The following EHD1 variants were observed in gnomAD, a reference collection of about 807,000 sequenced individuals.
The protein encoded by EHD1 is EH domain-containing protein 1.
In EHD1, 19 loss-of-function variants were observed where a neutral mutation model predicts 39.0. That is an observed-to-expected ratio of 0.49 (90% CI 0.34 to 0.72). EHD1 has a LOEUF of 0.72. EHD1 is among the 30% of genes least tolerant of loss of function. The pLI is 0.01. For synonymous variants in EHD1, 323 were observed against 331.2 expected (o/e 0.98, Z 0.27); for missense variants, 542 against 751.5 (o/e 0.72, Z 3.26).
At chr11:64,875,689 G>C (rs1943877840) in intron 1 of EHD1, 1 of 152,322 alleles carries the variant, frequency 6.6e-6, no homozygotes, top group Non-Finnish European at 1.5e-5. Context: ...TTCTCCCTTT[G>C]GCCCCATCCC....
In EHD1 at chr11:64,853,426, G is replaced by A. The variant is rs1012694990; in HGVS notation, c.*907C>T. 1.3e-5 allele frequency: 2 copies of A among 152,318 alleles called. No homozygotes were observed. The highest frequency in any genetic ancestry group is 2.4e-5 in the African/African-American group (1 of 41,462). 9.4% of individuals were successfully genotyped at this position (152,318 alleles called of 1,614,324 possible). On this transcript the variant is annotated 3_prime_UTR_variant, in exon 5 of 5. Transcript: ENST00000320631. ...AGTTAAGTGAGAGGGTAGGGCAGGA[G>A]CTGGGATGACCACCCTTCCTCAGCC...
chr11:64,861,839 C>A (rs1422947014), intron 2 of EHD1, among the ~76,000 whole-genome samples: 1 of 152,182 alleles, frequency 6.6e-6, no homozygotes, highest in Non-Finnish European at 1.5e-5. Flanking sequence ...GTCTTAAACA[C>A]TTCTCCAAAA....
upstream of EHD1, chr11:64,878,873 T>C (rs912301416): frequency 9.4e-7 from 1 of 1,068,718 alleles, no homozygotes; most frequent in African/African-American, 1.7e-5. Context: ...CTCGCGAAAG[T>C]GCTGCGGTTA....
intron 3 of EHD1, 79 bp from the exon 4 acceptor site, chr11:64,855,565 G>A: frequency 6.3e-7 from 1 of 1,589,912 alleles, no homozygotes. Context: ...GACACTCCAA[G>A]GATACTCCAA....
intron 3 of EHD1, 128 bp downstream of exon 3, chr11:64,859,796 G>C: frequency 2.3e-6 from 3 of 1,302,300 alleles, no homozygotes; most frequent in Non-Finnish European, 3.1e-6. Flanking sequence ...GAGGGAAACA[G>C]CGCAGTGCAG....
chr11:64,876,102 CA>C (rs1386344827), intron 1 of EHD1, among the ~76,000 whole-genome samples: 1 of 152,208 alleles, frequency 6.6e-6, no homozygotes, highest in Non-Finnish European at 1.5e-5. Context: ...TTTCATCTCG[CA>C]CAAGTGGCAG....
At position 64,859,967 on chromosome 11, in the gene EHD1, A is replaced by T; in HGVS notation, c.872T>A (p.Leu291His). The change falls in exon 3 of 5, where the codon CTC (leucine) becomes CAC (histidine). Residue 291 changes from leucine to histidine, a missense_variant. Physicochemically the swap from Leu to His is moderately conservative, Grantham distance 99. Transcript: ENST00000320631. ...CTTGATCAGGTCATTGAGCTTCCTG[A>T]GGGCGGCGTTTCGGGGCAGTGACTG... The part of the protein sequence containing the change: ...DIQSLPRNAA[L>H]RKLNDLIKRA... 1 of 1,613,690 alleles carries T rather than the reference A, an allele frequency of 6.2e-7. No individual in the cohort carries two copies. The highest frequency in any genetic ancestry group is 8.5e-7 in the Non-Finnish European group (1 of 1,179,972).
At position 64,878,373 on chromosome 11, in the gene EHD1, T is replaced by C. The variant is rs780540022; in HGVS notation, c.92A>G (p.Gln31Arg). ...GTGCTCCTCCAGGGGTAGCAGCTTCTGCGCGTACAGCTGCCGCAGCCCCTC... is the reference window on the plus strand; with the variant it reads ...GTGCTCCTCCAGGGGTAGCAGCTTCCGCGCGTACAGCTGCCGCAGCCCCTC... ...VAEGLRQLYA[Q>R]KLLPLEEHYR... is the part of the protein sequence containing the mutation. The change falls in exon 1 of 5, where the codon CAG (glutamine) becomes CGG (arginine). Residue 31 changes from glutamine (Q) to arginine (R), a missense_variant. Physicochemically the swap from Gln to Arg is conservative, Grantham distance 43 (BLOSUM62 1). Coordinates refer to ENST00000320631, the MANE Select transcript of EHD1 (RefSeq NM_006795.4). The C allele has an allele frequency of 6.2e-7, 1 of 1,613,814 alleles. No individual in the cohort carries two copies. The highest frequency in any genetic ancestry group is 8.5e-7 in the Non-Finnish European group (1 of 1,180,016).
chr11:64,878,195 G>A lies in EHD1; in HGVS notation c.270C>T (p.Pro90=), dbSNP rs746339228. 8.7e-6 allele frequency: 14 copies of A among 1,611,344 alleles called. No homozygotes were observed. In the African/African-American group the frequency reaches 1.9e-4, roughly 22 times the overall value. Residue 90 remains proline, a synonymous_variant, in exon 1 of 5, where the codon CCC becomes CCT. Transcript: ENST00000320631. ...EQDFPGMRIG[P]EPTTDSFIAV... is the part of the protein sequence containing the mutation. ...CGATGAAGGAGTCGGTGGTGGGCTC[G>A]GGCCCGATGCGCATCCCCGGGAAGT... is the stretch of plus-strand genomic sequence containing the variant.
chr11:64,867,732 A>ACC (rs1565721693), intron 2 of EHD1, among the ~76,000 whole-genome samples: 1 of 152,124 alleles, frequency 6.6e-6, no homozygotes, highest in African/African-American at 2.4e-5. Context: ...CCGTACCCCC[A>ACC]CCTCCAAAAA....
chr11:64,878,894 G>C (rs1943923188), upstream of EHD1: 2 of 1,041,600 alleles, frequency 1.9e-6, no homozygotes, highest in Non-Finnish European at 2.3e-6. Flanking sequence ...GGAAGGCGAG[G>C]AGCGGGCGTT....
In EHD1 at chr11:64,860,002, G is replaced by C; in HGVS notation, c.837C>G (p.Phe279Leu). ...TTCGGGGCAGTGACTGGATGTCCTT[G>C]AAGAGGTCCTGCTCCTCGGCCTCAA... Reference protein sequence around the residue: ...KLFEAEEQDLFKDIQSLPRNA... With the variant: ...KLFEAEEQDLLKDIQSLPRNA... The change falls in exon 3 of 5, where the codon TTC becomes TTG. Residue 279 changes from phenylalanine to leucine, a missense_variant. Transcript: ENST00000320631. The C allele has an allele frequency of 6.2e-7, 1 of 1,614,028 alleles. No individual in the cohort carries two copies. The highest frequency in any genetic ancestry group is 1.1e-5 in the South Asian group (1 of 91,092).
At chr11:64,874,866 G>A (rs563795652) in intron 1 of EHD1, among the ~76,000 whole-genome samples, 11 of 152,352 alleles carry the variant, frequency 7.2e-5, no homozygotes, top group Admixed American at 3.3e-4. Context: ...AGAAGGTCAC[G>A]CTGGGGCGCT....
chr11:64,869,438 A>G (rs1943804655), intron 2 of EHD1, among the ~76,000 whole-genome samples: 1 of 152,210 alleles, frequency 6.6e-6, no homozygotes, highest in African/African-American at 2.4e-5. Context: ...CACTTCCCCG[A>G]GGATACTCCC....
upstream of EHD1, chr11:64,878,901 C>T (rs1320548871): frequency 2.5e-5 from 26 of 1,033,596 alleles, no homozygotes; most frequent in Middle Eastern, 4.6e-4. Context: ...GAGGAGCGGG[C>T]GTTCGGCGGA....
rs1592757159 is a variant in EHD1, at chr11:64,878,423, C to T, written c.42G>A (p.Glu14=). The change falls in exon 1 of 5, where the codon GAG becomes GAA. Residue 14 remains glutamate, a synonymous_variant. Transcript: ENST00000320631. The part of the protein sequence containing the change: ...WVSKDARRKK[E]PELFQTVAEG... ...CAGCCACCGTCTGGAAGAGCTCCGG[C>T]TCCTTCTTGCGGCGGGCATCCTTGC... The T allele has an allele frequency of 6.2e-7, 1 of 1,613,210 alleles. No individual in the cohort carries two copies. The highest frequency in any genetic ancestry group is 8.5e-7 in the Non-Finnish European group (1 of 1,179,744).
chr11:64,858,204 CAG>C (rs1943675348), intron 3 of EHD1, among the ~76,000 whole-genome samples: 1 of 47,744 alleles, frequency 2.1e-5, no homozygotes, highest in Non-Finnish European at 5.6e-5. Context: ...TTTTTTGAGA[CAG>C]AGTCTTGCTC....
intron 3 of EHD1, among the ~76,000 whole-genome samples, chr11:64,859,058 C>T (rs553498289): frequency 6.6e-6 from 1 of 152,388 alleles, no homozygotes; most frequent in East Asian, 1.9e-4. Flanking sequence ...TTCTACTCCA[C>T]TGGGACAGCC....
At chr11:64,877,837 TG>T in intron 1 of EHD1, 2 of 418,038 alleles carry the variant, frequency 4.8e-6, no homozygotes, top group Non-Finnish European at 4.2e-6. Flanking sequence ...TGGAAGATTC[TG>T]GGGAGGACAG....
Sources: gnomAD v4.1 joint callset for allele counts (sites outside exome capture counted in the v4.1 genomes callset) on GRCh38, gnomAD v4.1.1 for gene constraint, MANE v1.5 for transcripts, NCBI Gene and HGNC (gene_info 2026-07-23, HGNC 2026-07-21) for gene names.